The following FBXL13 variants were observed in gnomAD, a reference collection of about 807,000 sequenced individuals.
FBXL13 encodes F-box and leucine rich repeat protein 13, also known as F-box and leucine-rich repeat protein 13.
A neutral mutation model predicts 83.6 loss-of-function variants in FBXL13; 67 were observed. The ratio of observed to expected loss-of-function variants is 0.80; its 90% CI spans 0.66 to 0.98. FBXL13 has a LOEUF of 0.98. FBXL13 is among the 50% of genes least tolerant of loss of function. The probability of loss-of-function intolerance (pLI) is 0.00; values close to 1 mark genes in which losing one functional copy is unlikely to be tolerated. For missense variants in FBXL13, 822 were observed against 866.5 expected (o/e 0.95, Z 0.64); for synonymous variants, 272 against 299.5 (o/e 0.91, Z 0.95).
chr7:103,026,643 G>A (rs907099280), intron 5 of FBXL13, among the ~76,000 whole-genome samples: 7 of 152,142 alleles, frequency 4.6e-5, no homozygotes, highest in African/African-American at 1.7e-4. Flanking sequence ...GCTCAGCACA[G>A]GCTCTAGCAT....
chr7:103,008,028 C>G (rs991599101), intron 6 of FBXL13, among the ~76,000 whole-genome samples: 4 of 152,054 alleles, frequency 2.6e-5, no homozygotes, highest in African/African-American at 9.7e-5. Flanking sequence ...GAGCCCAAGG[C>G]TGGTGATAGA....
intron 1 of FBXL13, among the ~76,000 whole-genome samples, chr7:103,061,335 G>T (rs1164558294): frequency 6.6e-6 from 1 of 152,202 alleles, no homozygotes; most frequent in Non-Finnish European, 1.5e-5. Flanking sequence ...AGGGGAAGCA[G>T]TCCCAGCCGT....
chr7:103,069,575 C>G (rs1000202205), intron 1 of FBXL13, among the ~76,000 whole-genome samples: 2 of 152,128 alleles, frequency 1.3e-5, no homozygotes, highest in Non-Finnish European at 2.9e-5. Context: ...CCCAGAAGAG[C>G]TATGCCTGAG....
At chr7:102,937,530 G>A (rs990112474) in intron 8 of FBXL13, among the ~76,000 whole-genome samples, 1 of 144,008 alleles carries the variant, frequency 6.9e-6, no homozygotes, top group Admixed American at 7.0e-5. Context: ...AAAAATGAAG[G>A]GTAGCTTTGT....
intron 11 of FBXL13, among the ~76,000 whole-genome samples, chr7:102,898,783 C>T (rs12537977): frequency 0.5 from 76,015 of 152,094 alleles, 22,594 homozygotes; most frequent in African/African-American, 0.84. Context: ...CATCGTCAAA[C>T]ATGAGCATGT....
In FBXL13 at chr7:103,061,677, C is replaced by T. The variant is rs140837500; in HGVS notation, c.-104-5930G>A. 4.6e-3 allele frequency among the ~76,000 whole-genome samples: 700 copies of T among 151,682 alleles called. 3 individuals carry two copies. Among genetic ancestry groups the T allele is most frequent in the Non-Finnish European group, 8.2e-3 (554 of 67,916 alleles). ...ATACCTGGCCCAGCACGGTGGCTCA[C>T]GCCTGTAATCCCAACACCTGGGAGG... On this transcript the variant is annotated intron_variant, in intron 1 of 19. Coordinates refer to ENST00000313221, the Ensembl canonical transcript of FBXL13.
At chr7:103,039,278 A>C (rs985139490) in intron 2 of FBXL13, among the ~76,000 whole-genome samples, 2 of 152,230 alleles carry the variant, frequency 1.3e-5, no homozygotes, top group Non-Finnish European at 2.9e-5. Flanking sequence ...GAGAAAAAAG[A>C]GTGAAAAGAA....
rs548653023 is a variant in FBXL13, at chr7:103,017,434, G to A, written c.495+7629C>T. Among the ~76,000 whole-genome samples the A allele has an allele frequency of 4.0e-3, 613 of 152,330 alleles. 4 individuals carry two copies. Among genetic ancestry groups the A allele is most frequent in the African/African-American group, 0.014 (582 of 41,574 alleles). On this transcript the variant is annotated intron_variant, in intron 6 of 19. Transcript: ENST00000313221. ...TCAGAGCACCTCTCCCCCTCCAAAG[G>A]AATGCAGCTCCTCGCCAGGAACAGA...
chr7:102,939,131 A>G (rs914707492), intron 8 of FBXL13, among the ~76,000 whole-genome samples: 4 of 152,164 alleles, frequency 2.6e-5, no homozygotes, highest in African/African-American at 9.7e-5. Context: ...TGCTTTCTAG[A>G]ACCTAGGAGG....
At chr7:102,826,770 T>TATATATAC (rs1562911606) in intron 18 of FBXL13, among the ~76,000 whole-genome samples, 1 of 98,982 alleles carries the variant, frequency 1.0e-5, no homozygotes, top group African/African-American at 4.0e-5. Flanking sequence ...TATATATATA[T>TATATATAC]ATGTATATAT....
chr7:103,005,211 A>G (rs1790855876), intron 6 of FBXL13, among the ~76,000 whole-genome samples: 1 of 152,246 alleles, frequency 6.6e-6, no homozygotes, highest in African/African-American at 2.4e-5. Flanking sequence ...TCTGATGTAA[A>G]TACTGCACAT....
chr7:102,952,361 T>C (rs971667906), intron 8 of FBXL13, among the ~76,000 whole-genome samples: 3 of 152,180 alleles, frequency 2.0e-5, no homozygotes, highest in Non-Finnish European at 4.4e-5. Context: ...TTAGGTTACA[T>C]ATTTTTTACA....
chr7:102,880,443 T>G (rs1160891467), intron 14 of FBXL13, among the ~76,000 whole-genome samples: 1 of 152,242 alleles, frequency 6.6e-6, no homozygotes, highest in South Asian at 2.1e-4. Flanking sequence ...CAGCATTCCA[T>G]TGTTTATTTC....
At chr7:102,819,489 A>G (rs1207681963) in intron 19 of FBXL13, among the ~76,000 whole-genome samples, 1 of 152,176 alleles carries the variant, frequency 6.6e-6, no homozygotes, top group Non-Finnish European at 1.5e-5. Context: ...TGAGCTGAGC[A>G]GACATCTTTG....
intron 6 of FBXL13, among the ~76,000 whole-genome samples, chr7:103,009,485 C>G (rs111904662): frequency 6.6e-6 from 1 of 152,252 alleles, no homozygotes; most frequent in African/African-American, 2.4e-5. Flanking sequence ...AGGACTTGTG[C>G]AAGACTGGGA....
intron 16 of FBXL13, among the ~76,000 whole-genome samples, chr7:102,857,994 A>G (rs11973896): frequency 0.21 from 31,535 of 152,054 alleles, 3,733 homozygotes; most frequent in East Asian, 0.59. Flanking sequence ...AGGGATACCT[A>G]CACTCCCATG....
At chr7:102,897,024 G>A (rs1388381028) in intron 11 of FBXL13, among the ~76,000 whole-genome samples, 1 of 151,398 alleles carries the variant, frequency 6.6e-6, no homozygotes, top group Non-Finnish European at 1.5e-5. Flanking sequence ...TTTTTTTTAA[G>A]ATACAAGAGT....
chr7:103,008,792 A>G (rs974231349), intron 6 of FBXL13, among the ~76,000 whole-genome samples: 3 of 152,190 alleles, frequency 2.0e-5, no homozygotes, highest in Non-Finnish European at 4.4e-5. Flanking sequence ...TCCTGACCTC[A>G]GGTGATCTGC....
chr7:103,021,538 G>C (rs1194399711), intron 6 of FBXL13, among the ~76,000 whole-genome samples: 1 of 152,162 alleles, frequency 6.6e-6, no homozygotes, highest in East Asian at 1.9e-4. Context: ...CCATCAGAGT[G>C]AACAGGCAAC....
Sources: allele counts gnomAD v4.1 joint callset (sites outside exome capture counted in the v4.1 genomes callset), GRCh38; gene constraint gnomAD v4.1.1; transcripts MANE v1.5; gene names NCBI Gene and HGNC (gene_info 2026-07-23, HGNC 2026-07-21).